The following DNER variants were observed in gnomAD, a reference collection of about 807,000 sequenced individuals.
The protein encoded by DNER is delta/notch like EGF repeat containing.
DNER carries 33 observed loss-of-function variants against 78.2 expected under a neutral mutation model. The ratio of observed to expected loss-of-function variants is 0.42; its 90% CI spans 0.32 to 0.56. The LOEUF is 0.56. DNER is among the 20% of genes least tolerant of loss of function. DNER has a pLI of 0.11. For missense variants in DNER, 918 were observed against 975.3 expected (o/e 0.94, Z 0.78); for synonymous variants, 417 against 384.8 (o/e 1.08, Z -0.98).
intron 1 of DNER, among the ~76,000 whole-genome samples, chr2:229,637,468 T>C (rs1032699754): frequency 1.3e-5 from 2 of 152,260 alleles, no homozygotes; most frequent in Non-Finnish European, 2.9e-5. Flanking sequence ...AGTAAGCACT[T>C]ACATTAAATT....
chr2:229,609,978 T>A (rs139694811), intron 1 of DNER, among the ~76,000 whole-genome samples: 13 of 152,340 alleles, frequency 8.5e-5, no homozygotes, highest in African/African-American at 3.1e-4. Context: ...GTTTTTGCCA[T>A]GAGAAAAATC....
chr2:229,560,048 T>A (rs1696926410), intron 4 of DNER, among the ~76,000 whole-genome samples: 1 of 152,174 alleles, frequency 6.6e-6, no homozygotes, highest in Admixed American at 6.5e-5. Context: ...CTCCAGTCAT[T>A]ATCTCTGGAA....
intron 1 of DNER, among the ~76,000 whole-genome samples, chr2:229,707,793 C>T (rs1393903359): frequency 2.0e-5 from 3 of 152,222 alleles, no homozygotes; most frequent in African/African-American, 7.2e-5. Context: ...ACTGCCAGCT[C>T]ATGCTCTCTT....
chr2:229,442,241 G>T (rs1694250298), intron 8 of DNER, among the ~76,000 whole-genome samples: 1 of 152,176 alleles, frequency 6.6e-6, no homozygotes, highest in South Asian at 2.1e-4. Flanking sequence ...CATCGGCCGG[G>T]AGCAGTGCTC....
At chr2:229,516,800 A>G (rs58264625) in intron 5 of DNER, among the ~76,000 whole-genome samples, 18,920 of 130,802 alleles carry the variant, frequency 0.14, 2,010 homozygotes, top group African/African-American at 0.3. Context: ...AAAAAAAAAA[A>G]AAAAGAAAAG....
chr2:229,646,900 G>A (rs1698728081), intron 1 of DNER, among the ~76,000 whole-genome samples: 1 of 152,228 alleles, frequency 6.6e-6, no homozygotes, highest in African/African-American at 2.4e-5. Flanking sequence ...CAGGCATGGT[G>A]GCTCACACCT....
At chr2:229,401,907 T>TG (rs1423100969) in intron 10 of DNER, among the ~76,000 whole-genome samples, 6 of 152,236 alleles carry the variant, frequency 3.9e-5, no homozygotes, top group African/African-American at 1.4e-4. Flanking sequence ...TGAAATCCAA[T>TG]GGGGAAAAGA....
chr2:229,484,361 T>C (rs1695227485), intron 6 of DNER, among the ~76,000 whole-genome samples: 1 of 152,210 alleles, frequency 6.6e-6, no homozygotes, highest in Admixed American at 6.5e-5. Context: ...TGGGAAACAC[T>C]GCAATGAGCA....
intron 9 of DNER, among the ~76,000 whole-genome samples, chr2:229,412,068 T>C (rs972613523): frequency 6.6e-6 from 1 of 152,232 alleles, no homozygotes; most frequent in African/African-American, 2.4e-5. Context: ...ATATTGTTGA[T>C]CATTTCATTG....
At chr2:229,535,344 A>G (rs1425201560) in intron 5 of DNER, among the ~76,000 whole-genome samples, 1 of 152,220 alleles carries the variant, frequency 6.6e-6, no homozygotes, top group Non-Finnish European at 1.5e-5. Context: ...CTTCGAGTCT[A>G]TAACTCAATA....
chr2:229,469,154 T>C (rs1021361738), intron 7 of DNER, among the ~76,000 whole-genome samples: 1 of 152,248 alleles, frequency 6.6e-6, no homozygotes, highest in Admixed American at 6.5e-5. Flanking sequence ...ACATGCCAGA[T>C]GCTTTAAGGG....
intron 6 of DNER, among the ~76,000 whole-genome samples, chr2:229,509,422 T>C (rs945569228): frequency 1.3e-5 from 2 of 152,258 alleles, no homozygotes; most frequent in African/African-American, 4.8e-5. Flanking sequence ...CATCAACACA[T>C]TGACTGAGTG....
chr2:229,636,478 G>A (rs1461842304), intron 1 of DNER, among the ~76,000 whole-genome samples: 3 of 152,226 alleles, frequency 2.0e-5, no homozygotes, highest in African/African-American at 7.2e-5. Context: ...GTGCATGAGA[G>A]AGTCCCAAAT....
intron 1 of DNER, among the ~76,000 whole-genome samples, chr2:229,690,577 C>G (rs576453045): frequency 2.6e-5 from 4 of 152,310 alleles, no homozygotes; most frequent in African/African-American, 9.6e-5. Context: ...TCCCTTCCAG[C>G]TCCATCACTC....
chr2:229,705,705 C>T (rs1050636406), intron 1 of DNER, among the ~76,000 whole-genome samples: 1 of 152,148 alleles, frequency 6.6e-6, no homozygotes, highest in South Asian at 2.1e-4. Context: ...AAGATGGGGA[C>T]TCATATTCAC....
At chr2:229,479,724 A>C (rs984967953) in intron 6 of DNER, among the ~76,000 whole-genome samples, 9 of 116,978 alleles carry the variant, frequency 7.7e-5, no homozygotes, top group Non-Finnish European at 1.2e-4. Context: ...AAAAAAAAAA[A>C]AAAAAAACAA....
intron 1 of DNER, among the ~76,000 whole-genome samples, chr2:229,675,825 C>A (rs1699292587): frequency 6.6e-6 from 1 of 152,158 alleles, no homozygotes; most frequent in Non-Finnish European, 1.5e-5. Context: ...GCTCAGCAGG[C>A]AAATGGGCCA....
chr2:229,367,490 A>G (rs141448297), intron 11 of DNER, among the ~76,000 whole-genome samples: 13 of 151,980 alleles, frequency 8.6e-5, no homozygotes, highest in African/African-American at 2.9e-4. Context: ...AATCCCAGCT[A>G]CTCGGGAGGC....
At chr2:229,661,639 G>A (rs1476875318) in intron 1 of DNER, among the ~76,000 whole-genome samples, 1 of 152,142 alleles carries the variant, frequency 6.6e-6, no homozygotes, top group African/African-American at 2.4e-5. Flanking sequence ...GATAATCAAG[G>A]AGAGAAGCCA....
Sources: gnomAD v4.1 joint callset for allele counts (sites outside exome capture counted in the v4.1 genomes callset) on GRCh38, gnomAD v4.1.1 for gene constraint, MANE v1.5 for transcripts, NCBI Gene and HGNC (gene_info 2026-07-23, HGNC 2026-07-21) for gene names.